The following EGF variants were observed in gnomAD, a reference collection of about 807,000 sequenced individuals.
EGF encodes the protein pro-epidermal growth factor.
EGF carries 95 observed loss-of-function variants against 143.8 expected under a neutral mutation model. The observed-to-expected ratio is 0.66, with a 90% CI of 0.56 to 0.78. EGF has a LOEUF of 0.78. Ranked by LOEUF, EGF falls within the 30% of genes least tolerant of loss-of-function variation. The probability of loss-of-function intolerance (pLI) is 0.00; values close to 1 mark genes in which losing one functional copy is unlikely to be tolerated. For synonymous variants in EGF, 510 were observed against 510.5 expected (o/e 1.00, Z 0.01); for missense variants, 1,320 against 1,470.9 (o/e 0.90, Z 1.68).
rs187504387 is a variant in EGF, at chr4:109,936,730, G to T, written c.128-4216G>T. On this transcript the variant is annotated intron_variant, in intron 1 of 23. Transcript: ENST00000265171. ...CTTTAGCTGTGTCTCAGAGATTCTG[G>T]TACATTGTGTCTTTGTTCTCATTGG... is the stretch of plus-strand genomic sequence containing the variant. Among the ~76,000 whole-genome samples the T allele has an allele frequency of 1.5e-3, 228 of 152,250 alleles. 1 individual carries two copies. The highest frequency in any genetic ancestry group is 5.2e-3 in the African/African-American group (217 of 41,546).
In EGF at chr4:109,913,276, C is replaced by T. The variant is rs191144589; in HGVS notation, c.-60C>T. 1.4e-3 allele frequency: 2,195 copies of T among 1,606,514 alleles called. 1 individual carries two copies. Among genetic ancestry groups the T allele is most frequent in the Non-Finnish European group, 1.8e-3 (2,089 of 1,175,642 alleles). On this transcript the variant is annotated 5_prime_UTR_variant, in exon 1 of 24. Coordinates refer to ENST00000265171, the MANE Select transcript of EGF (RefSeq NM_001963.6). ...TGGGGTCAATCATACTCACCTTGCC[C>T]GGGCCATGCTCCAGCAAAATCAAGC...
At chr4:110,008,666 GT>G (rs1753630636) in intron 23 of EGF, among the ~76,000 whole-genome samples, 1 of 152,222 alleles carries the variant, frequency 6.6e-6, no homozygotes, top group Non-Finnish European at 1.5e-5. Context: ...TCTGAGGATT[GT>G]CCTGGGGATT....
chr4:109,946,019 C>A (rs1413904366), intron 5 of EGF, among the ~76,000 whole-genome samples: 1 of 152,186 alleles, frequency 6.6e-6, no homozygotes, highest in Non-Finnish European at 1.5e-5. Flanking sequence ...AACAATCCTT[C>A]CCATTTTGGA....
intron 11 of EGF, among the ~76,000 whole-genome samples, chr4:109,973,038 G>A (rs561192735): frequency 2.9e-4 from 44 of 152,312 alleles, no homozygotes; most frequent in African/African-American, 1.0e-3. Flanking sequence ...CTGGTTTGCA[G>A]CAGGGAAACA....
chr4:109,999,957 A>G, intron 21 of EGF, 111 bp downstream of exon 21: 1 of 1,505,346 alleles, frequency 6.6e-7, no homozygotes, highest in Non-Finnish European at 9.1e-7. Flanking sequence ...TACTACATTT[A>G]AAACGTGAAA....
chr4:110,003,243 G>A (rs957787562), intron 21 of EGF, among the ~76,000 whole-genome samples: 4 of 152,216 alleles, frequency 2.6e-5, no homozygotes, highest in Middle Eastern at 6.8e-3. Flanking sequence ...TCACCGTACC[G>A]CTTTCCATAA....
chr4:109,998,397 C>T (rs542313050), intron 20 of EGF, among the ~76,000 whole-genome samples: 2 of 152,282 alleles, frequency 1.3e-5, no homozygotes, highest in East Asian at 3.9e-4. Context: ...TTTTTGGAAG[C>T]AGCATGGTAT....
In EGF at chr4:109,964,540, A is replaced by G; in HGVS notation, c.1575+3A>G. 1 of 1,613,782 alleles carries G rather than the reference A, an allele frequency of 6.2e-7. No homozygotes were observed. The highest frequency in any genetic ancestry group is 1.1e-5 in the South Asian group (1 of 91,082). On this transcript the variant is annotated splice_donor_region_variant and intron_variant, in intron 10 of 23. Coordinates refer to ENST00000265171, the MANE Select transcript of EGF (RefSeq NM_001963.6). ...ATCATGACCCTGTGGAAAATAAGGTATGGTTTTGTTACTTGAACAGATGTG... is the reference window on the plus strand; with the variant it reads ...ATCATGACCCTGTGGAAAATAAGGTGTGGTTTTGTTACTTGAACAGATGTG...
At chr4:109,926,624 T>A (rs1053209619) in intron 1 of EGF, among the ~76,000 whole-genome samples, 4 of 152,160 alleles carry the variant, frequency 2.6e-5, no homozygotes, top group African/African-American at 9.6e-5. Flanking sequence ...CCCAAAGTGC[T>A]GGGATTACTG....
chr4:110,011,063 G>A (rs1753932316), intron 23 of EGF, 139 bp from the exon 24 acceptor site: 1 of 928,194 alleles, frequency 1.1e-6, no homozygotes, highest in South Asian at 1.6e-5. Context: ...AGAAAAAAAT[G>A]TGTCTAGAGT....
chr4:110,002,133 T>C, intron 21 of EGF: 1 of 730,036 alleles, frequency 1.4e-6, no homozygotes, highest in Non-Finnish European at 1.7e-6. Context: ...TCCTCCCTTA[T>C]ACCATTCCTT....
chr4:110,011,082 A>G, intron 23 of EGF, 120 bp from the exon 24 acceptor site: 2 of 1,210,836 alleles, frequency 1.7e-6, no homozygotes, highest in Non-Finnish European at 2.3e-6. Flanking sequence ...GTAGTTTGAA[A>G]ATGGGTTATC....
At chr4:109,983,348 A>C (rs1175479178) in intron 15 of EGF, 74 bp from the exon 16 acceptor site, 2 of 1,531,404 alleles carry the variant, frequency 1.3e-6, no homozygotes, top group Non-Finnish European at 1.8e-6. Context: ...GAATAGTCGT[A>C]AACATAAATG....
At chr4:109,917,577 G>A (rs747379117) in intron 1 of EGF, among the ~76,000 whole-genome samples, 1 of 151,944 alleles carries the variant, frequency 6.6e-6, no homozygotes, top group Admixed American at 6.6e-5. Flanking sequence ...GTGTGATGGT[G>A]AGGTTTGGGC....
intron 10 of EGF, among the ~76,000 whole-genome samples, chr4:109,967,575 A>G (rs564330479): frequency 1.3e-5 from 2 of 152,268 alleles, no homozygotes; most frequent in Admixed American, 1.3e-4. Flanking sequence ...TCTGTGAAGA[A>G]TGATGTTGGC....
At chr4:109,979,539 C>T (rs1749011037) in intron 13 of EGF, among the ~76,000 whole-genome samples, 1 of 152,108 alleles carries the variant, frequency 6.6e-6, no homozygotes, top group Non-Finnish European at 1.5e-5. Context: ...CTTACAAGAA[C>T]TTGTGAATTT....
intron 8 of EGF, 37 bp from the exon 9 acceptor site, chr4:109,963,136 A>G: frequency 6.2e-7 from 1 of 1,610,924 alleles, no homozygotes; most frequent in African/African-American, 1.3e-5. Flanking sequence ...TATATTTTGG[A>G]TGACGTAGCA....
intron 5 of EGF, among the ~76,000 whole-genome samples, chr4:109,957,293 G>A (rs1408875215): frequency 6.6e-6 from 1 of 152,172 alleles, no homozygotes; most frequent in Non-Finnish European, 1.5e-5. Context: ...CGGATCAGGA[G>A]AGAGATGATA....
Position 109,961,985 on chromosome 4 carries a change from G to A in EGF, c.1312G>A (p.Gly438Ser), listed in dbSNP as rs769655695. Reference sequence around the variant, plus strand: ...TGAGAGAGATGGGAAAACATGTAGCGGTGAGTTTATTTGCTTTATTTACCT... The same window carrying A: ...TGAGAGAGATGGGAAAACATGTAGCAGTGAGTTTATTTGCTTTATTTACCT... ...VLERDGKTCS[G>S]CSSPDNGGCS... is the part of the protein sequence containing the mutation. The change falls in exon 8 of 24, where the codon GGT becomes AGT. Residue 438 changes from glycine (G) to serine (S), a missense_variant and splice_region_variant. Physicochemically the swap from Gly to Ser is moderately conservative, Grantham distance 56 (BLOSUM62 0). Coordinates refer to ENST00000265171, the MANE Select transcript of EGF (RefSeq NM_001963.6). 8.7e-6 allele frequency: 14 copies of A among 1,613,504 alleles called. No homozygotes were observed. Among genetic ancestry groups the A allele is most frequent in the East Asian group, 2.2e-5 (1 of 44,856 alleles).
Sources: gnomAD v4.1 joint callset for allele counts (sites outside exome capture counted in the v4.1 genomes callset) on GRCh38, gnomAD v4.1.1 for gene constraint, MANE v1.5 for transcripts, NCBI Gene and HGNC (gene_info 2026-07-23, HGNC 2026-07-21) for gene names.